CNTNAP2: variants seen among roughly 807,000 people sequenced by gnomAD.
The protein encoded by CNTNAP2 is contactin associated protein 2.
Under a neutral mutation model 155.2 loss-of-function variants are expected in CNTNAP2, and 98 were observed. That is an observed-to-expected ratio of 0.63 (90% confidence interval 0.54 to 0.75). CNTNAP2 has a LOEUF of 0.75. CNTNAP2 is among the 30% of genes least tolerant of loss of function. The pLI is 0.00. For missense variants in CNTNAP2, 1,727 were observed against 1,688.1 expected (o/e 1.02, Z -0.40); for synonymous variants, 651 against 631.2 (o/e 1.03, Z -0.47).
intron 1 of CNTNAP2, among the ~76,000 whole-genome samples, chr7:146,472,443 C>T (rs919640254): frequency 5.7e-4 from 87 of 152,230 alleles, no homozygotes; most frequent in African/African-American, 1.9e-3. Flanking sequence ...TAAAGCAATA[C>T]GCTTGCATTG....
rs192036973 is a variant in CNTNAP2, at chr7:148,233,371, G to C, written c.3381+3592G>C. Among the ~76,000 whole-genome samples the C allele has an allele frequency of 2.3e-3, 343 of 149,610 alleles. 1 individual carries two copies. Among genetic ancestry groups the C allele is most frequent in the African/African-American group, 8.1e-3 (331 of 40,676 alleles). On this transcript the variant is annotated intron_variant, in intron 20 of 23. Coordinates refer to ENST00000361727, the MANE Select transcript of CNTNAP2 (RefSeq NM_014141.6). ...TATTAAATGAAATAGAGAGTTAATGGAAGTCACAAAAAGTAAGTCCCCAAG... is the reference window on the plus strand; with the variant it reads ...TATTAAATGAAATAGAGAGTTAATGCAAGTCACAAAAAGTAAGTCCCCAAG...
At chr7:148,148,116 G>T (rs867569163) in intron 17 of CNTNAP2, among the ~76,000 whole-genome samples, 6 of 151,786 alleles carry the variant, frequency 4.0e-5, no homozygotes, top group African/African-American at 1.2e-4. Context: ...GGGAGGAAAT[G>T]GGCTAAGTTC....
At chr7:146,477,762 T>A (rs1796901515) in intron 1 of CNTNAP2, among the ~76,000 whole-genome samples, 1 of 152,132 alleles carries the variant, frequency 6.6e-6, no homozygotes, top group Non-Finnish European at 1.5e-5. Flanking sequence ...AGACTGTGAT[T>A]CTGCCCAGAT....
At chr7:147,729,667 A>G (rs539296244) in intron 13 of CNTNAP2, among the ~76,000 whole-genome samples, 1 of 152,220 alleles carries the variant, frequency 6.6e-6, no homozygotes, top group East Asian at 1.9e-4. Context: ...AGCTTACAAC[A>G]TGAGGAGCAG....
intron 4 of CNTNAP2, among the ~76,000 whole-genome samples, chr7:147,049,450 A>G (rs1485376481): frequency 6.6e-6 from 1 of 152,174 alleles, no homozygotes; most frequent in Non-Finnish European, 1.5e-5. Flanking sequence ...TCCTTAGAAG[A>G]TGATACTCTG....
chr7:146,233,755 G>A (rs1799425141), intron 1 of CNTNAP2, among the ~76,000 whole-genome samples: 1 of 151,826 alleles, frequency 6.6e-6, no homozygotes, highest in Non-Finnish European at 1.5e-5. Flanking sequence ...TGAGAATGAT[G>A]ATTTCCAATT....
chr7:147,626,963 T>C (rs567066280), intron 12 of CNTNAP2, among the ~76,000 whole-genome samples: 1 of 152,304 alleles, frequency 6.6e-6, no homozygotes, highest in African/African-American at 2.4e-5. Context: ...TATCCATGAT[T>C]GAGAGACCTG....
intron 12 of CNTNAP2, among the ~76,000 whole-genome samples, chr7:147,631,958 C>A (rs1327371189): frequency 1.3e-5 from 2 of 152,034 alleles, no homozygotes; most frequent in Admixed American, 1.3e-4. Flanking sequence ...AAAGCAAATG[C>A]ACCAAAAACA....
At chr7:146,755,065 G>T (rs10273868) in intron 1 of CNTNAP2, among the ~76,000 whole-genome samples, 18 of 151,750 alleles carry the variant, frequency 1.2e-4, no homozygotes, top group African/African-American at 4.4e-4. Flanking sequence ...TGGTATTTTA[G>T]GGTGATACTC....
chr7:148,272,191 C>G (rs1796792729), intron 21 of CNTNAP2, among the ~76,000 whole-genome samples: 1 of 152,174 alleles, frequency 6.6e-6, no homozygotes, highest in Non-Finnish European at 1.5e-5. Context: ...AGAACGGATT[C>G]TTACATAATT....
At chr7:146,248,747 A>C (rs1563007326) in intron 1 of CNTNAP2, among the ~76,000 whole-genome samples, 2 of 152,148 alleles carry the variant, frequency 1.3e-5, no homozygotes. Flanking sequence ...TCTCACGAGC[A>C]AAGAACAGGA....
intron 10 of CNTNAP2, among the ~76,000 whole-genome samples, chr7:147,441,902 C>A (rs770890004): frequency 7.3e-6 from 1 of 137,248 alleles, no homozygotes. Flanking sequence ...TTCTGAGCCA[C>A]GTGGAGCTGG....
chr7:146,195,736 G>C (rs962909432), intron 1 of CNTNAP2, among the ~76,000 whole-genome samples: 6 of 152,200 alleles, frequency 3.9e-5, no homozygotes, highest in Admixed American at 2.6e-4. Context: ...GATACTGACT[G>C]CACTCCTGCC....
Position 147,076,996 on chromosome 7 carries a change from A to T in CNTNAP2, c.551-31151A>T, listed in dbSNP as rs534081835. Among the ~76,000 whole-genome samples, 14 of 152,256 alleles carry T rather than the reference A, an allele frequency of 9.2e-5. No homozygotes were observed. In the South Asian group the frequency reaches 2.9e-3, roughly 32 times the overall value. ...TATTAGTTTCCTGAGTTTCTTTAAA[A>T]CACAACTGCTTCGTTTCCTCCCACA... is the stretch of plus-strand genomic sequence containing the variant. On this transcript the variant is annotated intron_variant, in intron 4 of 23. Transcript: ENST00000361727.
chr7:146,388,812 G>T (rs1233755480), intron 1 of CNTNAP2, among the ~76,000 whole-genome samples: 1 of 151,996 alleles, frequency 6.6e-6, no homozygotes, highest in African/African-American at 2.4e-5. Context: ...ATGTCCATGG[G>T]TTCAATTGTT....
chr7:146,255,486 C>T lies in CNTNAP2; in HGVS notation c.97+138513C>T, dbSNP rs149215924. Among the ~76,000 whole-genome samples, 7 of 152,306 alleles carry T rather than the reference C, an allele frequency of 4.6e-5. No individual in the cohort carries two copies. In the East Asian group the frequency reaches 1.3e-3, roughly 29 times the overall value. ...ACATTAGGTGACCAGTGAGCCAAGA[C>T]ATTCACTTCTTTGGCTTTCCTTCAG... On this transcript the variant is annotated intron_variant, in intron 1 of 23. Transcript: ENST00000361727.
chr7:148,418,436 C>A lies in CNTNAP2; in HGVS notation c.*2820C>A, dbSNP rs373982462. The A allele has an allele frequency of 2.0e-5, 3 of 152,232 alleles. No individual in the cohort carries two copies. Among genetic ancestry groups the A allele is most frequent in the East Asian group, 3.9e-4 (2 of 5,178 alleles). 9.4% of individuals were successfully genotyped at this position (152,232 alleles called of 1,614,324 possible). On this transcript the variant is annotated 3_prime_UTR_variant, in exon 24 of 24. Coordinates refer to ENST00000361727, the MANE Select transcript of CNTNAP2 (RefSeq NM_014141.6). Reference sequence around the variant, plus strand: ...AGCCTCTTTAAATAATATGTATAGACAACAACAACGACAAAAAATAGACTG... The same window carrying A: ...AGCCTCTTTAAATAATATGTATAGAAAACAACAACGACAAAAAATAGACTG...
At chr7:146,301,593 T>A (rs1415118704) in intron 1 of CNTNAP2, among the ~76,000 whole-genome samples, 6 of 152,000 alleles carry the variant, frequency 3.9e-5, no homozygotes, top group Non-Finnish European at 2.9e-5. Context: ...GCCACTGCAC[T>A]CCAGCCTGGG....
intron 13 of CNTNAP2, among the ~76,000 whole-genome samples, chr7:147,792,693 C>A (rs184795841): frequency 4.6e-5 from 7 of 152,206 alleles, no homozygotes; most frequent in Admixed American, 4.6e-4. Context: ...TAGATATATG[C>A]TTTTAATTTT....
Sources: allele counts gnomAD v4.1 joint callset (sites outside exome capture counted in the v4.1 genomes callset), GRCh38; gene constraint gnomAD v4.1.1; transcripts MANE v1.5; gene names NCBI Gene and HGNC (gene_info 2026-07-23, HGNC 2026-07-21).